Variants in MMP24 observed in about 807,000 individuals in gnomAD.
MMP24 encodes the protein matrix metallopeptidase 24.
In MMP24, 25 loss-of-function variants were observed where a neutral mutation model predicts 62.8. The observed-to-expected ratio is 0.40, with a 90% CI of 0.29 to 0.56. The LOEUF (loss-of-function observed/expected upper bound fraction) is 0.56. Ranked by LOEUF, MMP24 falls within the 20% of genes least tolerant of loss-of-function variation. The pLI is 0.50. For synonymous variants in MMP24, 319 were observed against 350.5 expected (o/e 0.91, Z 1.00); for missense variants, 634 against 853.6 (o/e 0.74, Z 3.21).
At chr20:35,260,343 G>A (rs1453095157) in intron 4 of MMP24, among the ~76,000 whole-genome samples, 1 of 152,202 alleles carries the variant, frequency 6.6e-6, no homozygotes, top group Non-Finnish European at 1.5e-5. Flanking sequence ...CCTGTTCTCT[G>A]CAGACCCAGA....
chr20:35,248,720 T>C (rs537238657), intron 2 of MMP24, among the ~76,000 whole-genome samples: 6 of 152,272 alleles, frequency 3.9e-5, no homozygotes, highest in African/African-American at 1.4e-4. Context: ...TGATTATGAG[T>C]GTGAACTTCT....
In MMP24 at chr20:35,271,148, G is replaced by T. The variant is rs1426290074; in HGVS notation, c.1334-421G>T. 2.0e-5 allele frequency among the ~76,000 whole-genome samples: 3 copies of T among 152,192 alleles called. No individual in the cohort carries two copies. The highest frequency in any genetic ancestry group is 2.0e-4 in the Admixed American group (3 of 15,286). ...GGAGGCAGAAGGTGATGAGGAGGGA[G>T]CCCCTCTGTGGTGCAGATGAGGAGC... On this transcript the variant is annotated intron_variant, in intron 7 of 8. Coordinates refer to ENST00000246186, the MANE Select transcript of MMP24 (RefSeq NM_006690.4). The surrounding 1 kb of genome is among the most constrained non-coding windows in gnomAD (Gnocchi z 4.0).
chr20:35,273,869 T>C (rs1191924313), intron 8 of MMP24, among the ~76,000 whole-genome samples: 1 of 152,224 alleles, frequency 6.6e-6, no homozygotes. Flanking sequence ...GGTGAAATCT[T>C]GCTCCCTGCC....
chr20:35,245,090 G>C (rs1233276511), intron 1 of MMP24, among the ~76,000 whole-genome samples: 1 of 152,128 alleles, frequency 6.6e-6, no homozygotes, highest in Non-Finnish European at 1.5e-5. Flanking sequence ...ACAGTGGCAT[G>C]ATCATGTCTC....
chr20:35,274,581 A>G lies in MMP24; in HGVS notation c.1910A>G (p.Tyr637Cys), dbSNP rs746423421. The change falls in exon 9 of 9, where the codon TAT (tyrosine) becomes TGT (cysteine). Residue 637 changes from tyrosine (Y) to cysteine (C), a missense_variant. Tyr to Cys is a radical substitution (Grantham distance 194). Coordinates refer to ENST00000246186, the MANE Select transcript of MMP24 (RefSeq NM_006690.4). The surrounding 1 kb of genome is among the most constrained non-coding windows in gnomAD (Gnocchi z 5.1). ...ACAGGCCCTCAGCCTGTCACCTACT[A>G]TAAGCGGCCAGTCCAGGAATGGGTG... ...NKTGPQPVTY[Y>C]KRPVQEWV 9 of 1,613,332 alleles carry G rather than the reference A, an allele frequency of 5.6e-6. No individual in the cohort carries two copies. Among genetic ancestry groups the G allele is most frequent in the South Asian group, 2.2e-5 (2 of 91,004 alleles).
At chr20:35,244,692 G>A (rs12479973) in intron 1 of MMP24, among the ~76,000 whole-genome samples, 25,685 of 151,628 alleles carry the variant, frequency 0.17, 2,113 homozygotes, top group Middle Eastern at 0.3. Context: ...CACCCACCTT[G>A]GCCTTCCAAA....
chr20:35,246,890 T>C lies in MMP24; in HGVS notation c.297T>C (p.Ser99=). 2 of 1,614,056 alleles carry C rather than the reference T, an allele frequency of 1.2e-6. No individual in the cohort carries two copies. The highest frequency in any genetic ancestry group is 1.7e-6 in the Non-Finnish European group (2 of 1,179,878). Reference sequence around the variant, plus strand: ...TGCTTCCCTATGACTCACGGGCATCTGCGCTGCACTCAGCGAAGGCCTTGC... The same window carrying C: ...TGCTTCCCTATGACTCACGGGCATCCGCGCTGCACTCAGCGAAGGCCTTGC... ...GYLLPYDSRA[S]ALHSAKALQS... is the part of the protein sequence containing the mutation. The change falls in exon 2 of 9, where the codon TCT becomes TCC. Residue 99 remains serine (S), a synonymous_variant. Coordinates refer to ENST00000246186, the MANE Select transcript of MMP24 (RefSeq NM_006690.4).
intron 6 of MMP24, chr20:35,267,749 C>A (rs1332250321): frequency 2.6e-6 from 1 of 380,588 alleles, no homozygotes; most frequent in Non-Finnish European, 4.9e-6. Flanking sequence ...ATTCCTCTAA[C>A]AAAGAGTGTG....
At chr20:35,245,250 C>T (rs1227024014) in intron 1 of MMP24, among the ~76,000 whole-genome samples, 1 of 152,116 alleles carries the variant, frequency 6.6e-6, no homozygotes, top group African/African-American at 2.4e-5. Context: ...TGGTCTCAAA[C>T]TCTTGGCTTC....
intron 1 of MMP24, among the ~76,000 whole-genome samples, chr20:35,238,519 A>C (rs187003904): frequency 6.6e-6 from 1 of 152,282 alleles, no homozygotes; most frequent in Admixed American, 6.5e-5. Context: ...AGGGCCTGGG[A>C]GAACTGGAAC....
chr20:35,262,768 T>A (rs928113609), intron 4 of MMP24: 2 of 143,052 alleles, frequency 1.4e-5, no homozygotes, highest in African/African-American at 5.7e-5. Context: ...AATACCTGGC[T>A]TTCCTAGGCA....
chr20:35,274,204 T>G lies in MMP24; in HGVS notation c.1601-68T>G. On this transcript the variant is annotated intron_variant, in intron 8 of 8. Transcript: ENST00000246186. This position sits in a 1 kb window ranked among gnomAD's most constrained non-coding sequence, Gnocchi z 5.1. Reference sequence around the variant, plus strand: ...CTTGCCACAGTGCCTGTGCCCTCCTTTTCACACTGCCCCAGAGCAGGTGCC... The same window carrying G: ...CTTGCCACAGTGCCTGTGCCCTCCTGTTCACACTGCCCCAGAGCAGGTGCC... 3 of 1,484,804 alleles carry G rather than the reference T, an allele frequency of 2.0e-6. No individual in the cohort carries two copies. In the Admixed American group the frequency reaches 5.4e-5, roughly 27 times the overall value. The allele number at this position is 1,484,804 out of a possible 1,614,324, so 92.0% of individuals were successfully genotyped here. A position where few individuals can be genotyped will look rare whatever the true frequency, so the allele number is the denominator to read the frequency against.
At chr20:35,272,587 C>T (rs2060677155) in intron 8 of MMP24, among the ~76,000 whole-genome samples, 2 of 152,186 alleles carry the variant, frequency 1.3e-5, no homozygotes, top group African/African-American at 4.8e-5. Flanking sequence ...TGCTGGCCAC[C>T]AGCCCCCACG....
intron 1 of MMP24, among the ~76,000 whole-genome samples, chr20:35,240,838 T>C (rs1243733075): frequency 6.6e-6 from 1 of 152,162 alleles, no homozygotes; most frequent in Non-Finnish European, 1.5e-5. Flanking sequence ...CTAAATACTA[T>C]AACAGATACA....
chr20:35,246,855 T>C lies in MMP24; in HGVS notation c.262T>C (p.Tyr88His). The change falls in exon 2 of 9, where the codon TAT (tyrosine) becomes CAT (histidine). Residue 88 changes from tyrosine (Y) to histidine (H), a missense_variant. By Grantham distance (83) the Tyr-to-His change is moderately conservative. Around this residue, in one of 3 missense-constraint regions of MMP24, gnomAD observed 212 missense variants for 259.6 expected, o/e 0.82. Coordinates refer to ENST00000246186, the MANE Select transcript of MMP24 (RefSeq NM_006690.4). ...TGTCTTTCAGAACTGGTTAAAGTCC[T>C]ATGGCTATCTGCTTCCCTATGACTC... is the stretch of plus-strand genomic sequence containing the variant. ...PFAGQNWLKS[Y>H]GYLLPYDSRA... 6.2e-7 allele frequency: 1 copy of C among 1,614,062 alleles called. No individual in the cohort carries two copies. Among genetic ancestry groups the C allele is most frequent in the East Asian group, 2.2e-5 (1 of 44,884 alleles).
intron 1 of MMP24, among the ~76,000 whole-genome samples, chr20:35,236,920 G>A (rs1304626859): frequency 6.8e-6 from 1 of 147,326 alleles, no homozygotes; most frequent in Non-Finnish European, 1.5e-5. Flanking sequence ...GTTGCAGTGA[G>A]CCAAGATCGC....
In MMP24 at chr20:35,271,795, CCCACAGGCTCCCCAAGGAG is replaced by C; in HGVS notation, c.1563_1581del (p.Gln522SerfsTer25). The C allele has an allele frequency of 6.2e-7, 1 of 1,608,878 alleles. No homozygotes were observed. The highest frequency in any genetic ancestry group is 8.5e-7 in the Non-Finnish European group (1 of 1,178,244). On this transcript the variant is annotated frameshift_variant, in exon 8 of 9. Transcript: ENST00000246186. LOFTEE classifies it high-confidence loss of function. This position sits in a 1 kb window ranked among gnomAD's most constrained non-coding sequence, Gnocchi z 4.0. ...AGCCCATCACCGTGTGGAAGGGCAT[CCCACAGGCTCCCCAAGGAG>C]CCTTCATCAGCAAGGAAGGATGTAC... is the stretch of plus-strand genomic sequence containing the variant.
rs1250877028 is a variant in MMP24, at chr20:35,269,440, A to G, written c.1195-320A>G. On this transcript the variant is annotated intron_variant, in intron 6 of 8. Transcript: ENST00000246186. This position sits in a 1 kb window ranked among gnomAD's most constrained non-coding sequence, Gnocchi z 4.6. The stretch of plus-strand genomic sequence containing the variant: ...CCCGAGGACCAGTCTGGCTGATGTC[A>G]GTGACGCTCCACTGCCCCCATGTGG... Among the ~76,000 whole-genome samples, 1 of 152,162 alleles carries G rather than the reference A, an allele frequency of 6.6e-6. No individual in the cohort carries two copies. The highest frequency in any genetic ancestry group is 2.4e-5 in the African/African-American group (1 of 41,442).
At chr20:35,258,138 C>T (rs758810802) in intron 4 of MMP24, among the ~76,000 whole-genome samples, 1 of 152,158 alleles carries the variant, frequency 6.6e-6, no homozygotes, top group Admixed American at 6.5e-5. Flanking sequence ...CAATTATCAA[C>T]GTTGTGGCAT....
Sources: allele counts gnomAD v4.1 joint callset (sites outside exome capture counted in the v4.1 genomes callset), GRCh38; gene constraint gnomAD v4.1.1; regional missense constraint gnomAD v4.1.1; non-coding constraint Gnocchi (gnomAD v3.1); transcripts MANE v1.5; gene names NCBI Gene and HGNC (gene_info 2026-07-23, HGNC 2026-07-21).